CACNA1H: variants seen among roughly 807,000 people sequenced by gnomAD.
CACNA1H encodes calcium voltage-gated channel subunit alpha1 H.
In CACNA1H, 149 loss-of-function variants were observed where a neutral mutation model predicts 192.5. That is an observed-to-expected ratio of 0.77 (90% confidence interval 0.68 to 0.89). The LOEUF (loss-of-function observed/expected upper bound fraction) is 0.89. Ranked by LOEUF, CACNA1H falls within the 40% of genes least tolerant of loss-of-function variation. The pLI is 0.00. For missense variants in CACNA1H, 4,257 were observed against 3,423.5 expected, an observed-to-expected ratio of 1.24 and a Z score of -6.08; for synonymous variants, 2,202 against 1,475.2, an observed-to-expected ratio of 1.49 and a Z score of -11.29.
Position 1,221,701 on chromosome 16 carries a change from C to T in CACNA1H, c.*707C>T. 1.6e-6 allele frequency: 2 copies of T among 1,285,792 alleles called. No homozygotes were observed. The highest frequency in any genetic ancestry group is 2.8e-5 in the Admixed American group (1 of 35,968). 79.6% of individuals were successfully genotyped at this position (1,285,792 alleles called of 1,614,324 possible). A position where few individuals can be genotyped will look rare whatever the true frequency, so the allele number is the denominator to read the frequency against. On this transcript the variant is annotated 3_prime_UTR_variant, in exon 35 of 35. Transcript: ENST00000348261. ...GGTTAAATGTTGCAATAATCTGATG[C>T]AGAAGACTCAGCTTCTCAAGGGAGA...
rs774687054 is a variant in CACNA1H, at chr16:1,198,704, G to A, written c.733G>A (p.Gly245Ser). 10 of 1,613,372 alleles carry A rather than the reference G, an allele frequency of 6.2e-6. No homozygotes were observed. Among genetic ancestry groups the A allele is most frequent in the East Asian group, 2.2e-5 (1 of 44,890 alleles). ...LLCFFVFFIFGIVGVQLWAGL... is the reference protein window; with the variant it reads ...LLCFFVFFIFSIVGVQLWAGL... The stretch of plus-strand genomic sequence containing the variant: ...GTGCTTCTTCGTCTTCTTCATTTTC[G>A]GCATCGTTGGCGTCCAGCTCTGGGC... The change falls in exon 6 of 35, where the codon GGC (glycine) becomes AGC (serine). Residue 245 changes from glycine (G) to serine (S), a missense_variant. Transcript: ENST00000348261.
In CACNA1H at chr16:1,207,255, GGCCCCCT is replaced by G. The variant is rs1405736396; in HGVS notation, c.2908-17_2908-11del. The G allele has an allele frequency of 4.4e-6, 7 of 1,593,532 alleles. No homozygotes were observed. The Admixed American group carries it at 1.0e-4, about 24-fold the overall frequency. On this transcript the variant is annotated splice_polypyrimidine_tract_variant and intron_variant, in intron 13 of 34. Transcript: ENST00000348261. ...TTTCGGGGCTGGGGTGACCACCCCA[GGCCCCCT>G]GCTATCCCCCAGATCCTGACCCAGG...
intron 33 of CACNA1H, 141 bp downstream of exon 33, chr16:1,218,792 G>C: frequency 1.8e-6 from 2 of 1,142,760 alleles, no homozygotes; most frequent in Non-Finnish European, 2.5e-6. Flanking sequence ...GGGCAGGCAG[G>C]AGGGAGGATG....
rs1030195232 is a variant in CACNA1H at position 1,180,005 on chromosome 16, G to T, written c.300-14967G>T. 6.6e-6 allele frequency among the ~76,000 whole-genome samples: 1 copy of T among 152,238 alleles called. No homozygotes were observed. The highest frequency in any genetic ancestry group is 2.4e-5 in the African/African-American group (1 of 41,454). The stretch of plus-strand genomic sequence containing the variant: ...CTGCCTCGGCCTCCAAAAGTGCTGG[G>T]ATAACAGGCGTGAGCCACCATGCCC... On this transcript the variant is annotated intron_variant, in intron 2 of 34. Coordinates refer to ENST00000348261, the MANE Select transcript of CACNA1H (RefSeq NM_021098.3). This position sits in a 1 kb window ranked among gnomAD's most constrained non-coding sequence, Gnocchi z 4.4.
intron 2 of CACNA1H, among the ~76,000 whole-genome samples, chr16:1,165,599 C>T (rs1336504391): frequency 6.6e-6 from 1 of 152,160 alleles, no homozygotes; most frequent in Non-Finnish European, 1.5e-5. Context: ...CAAGCCGGCC[C>T]GGAGCTGAGG....
At chr16:1,205,437 T>G (rs895271609) in intron 11 of CACNA1H, among the ~76,000 whole-genome samples, 172 bp downstream of exon 11, 2 of 152,164 alleles carry the variant, frequency 1.3e-5, no homozygotes, top group Non-Finnish European at 2.9e-5. Context: ...GGGACCGTCC[T>G]GGGCAGAGTC....
At chr16:1,165,892 C>T (rs1012787067) in intron 2 of CACNA1H, among the ~76,000 whole-genome samples, 119 of 152,148 alleles carry the variant, frequency 7.8e-4, no homozygotes, top group Non-Finnish European at 4.4e-5. Flanking sequence ...CCTCTGGCCC[C>T]TGCTTGGGTG....
chr16:1,169,408 C>G (rs1268158928), intron 2 of CACNA1H, among the ~76,000 whole-genome samples: 1 of 152,202 alleles, frequency 6.6e-6, no homozygotes, highest in Non-Finnish European at 1.5e-5. Context: ...GGGTTGGGCC[C>G]CGAGAGGGTG....
At chr16:1,179,736 T>C (rs1011505283) in intron 2 of CACNA1H, among the ~76,000 whole-genome samples, 9 of 131,188 alleles carry the variant, frequency 6.9e-5, no homozygotes, top group Non-Finnish European at 1.4e-4. Flanking sequence ...GCCTCTTTTT[T>C]TTTTTTTTTT....
chr16:1,155,727 C>T (rs1297171340), intron 2 of CACNA1H, among the ~76,000 whole-genome samples: 1 of 152,138 alleles, frequency 6.6e-6, no homozygotes, highest in East Asian at 1.9e-4. Context: ...GGAGCCTGGC[C>T]CCGGTGTTCT....
At position 1,168,426 on chromosome 16, in the gene CACNA1H, G is replaced by A. The variant is rs1051915796; in HGVS notation, c.299+14390G>A. ...GATGTGGGGAGGCTCCTGGGCAGGC[G>A]GGGAGGCTGCTGGACTTGTGATTGT... On this transcript the variant is annotated intron_variant, in intron 2 of 34. Coordinates refer to ENST00000348261, the MANE Select transcript of CACNA1H (RefSeq NM_021098.3). 8.5e-5 allele frequency among the ~76,000 whole-genome samples: 13 copies of A among 152,222 alleles called. 1 individual carries two copies. The highest frequency in any genetic ancestry group is 2.4e-4 in the African/African-American group (10 of 41,554).
In CACNA1H at chr16:1,202,034, C is replaced by T; in HGVS notation, c.1584C>T (p.His528=). 1.3e-6 allele frequency: 2 copies of T among 1,538,172 alleles called. No individual in the cohort carries two copies. The highest frequency in any genetic ancestry group is 2.5e-5 in the East Asian group (1 of 40,774). The change falls in exon 9 of 35, where the codon CAC becomes CAT. Residue 528 remains histidine, a synonymous_variant. Coordinates refer to ENST00000348261, the MANE Select transcript of CACNA1H (RefSeq NM_021098.3). ...ACCACCATCACCACCACCACCACCA[C>T]TACCATTTCAGCCATGGCAGCCCCC... is the stretch of plus-strand genomic sequence containing the variant. The part of the protein sequence containing the change: ...VYHHHHHHHH[H]YHFSHGSPRR...
intron 2 of CACNA1H, among the ~76,000 whole-genome samples, chr16:1,160,498 T>C (rs923620748): frequency 6.6e-6 from 1 of 152,144 alleles, no homozygotes; most frequent in Non-Finnish European, 1.5e-5. Flanking sequence ...TCAGGAGAGC[T>C]GGCAGCAGGT....
chr16:1,167,172 G>A lies in CACNA1H; in HGVS notation c.299+13136G>A, dbSNP rs969214907. Among the ~76,000 whole-genome samples, 4 of 152,140 alleles carry A rather than the reference G, an allele frequency of 2.6e-5. No individual in the cohort carries two copies. Among genetic ancestry groups the A allele is most frequent in the East Asian group, 1.9e-4 (1 of 5,164 alleles). The stretch of plus-strand genomic sequence containing the variant: ...CCGACCCTTTGGGGCGTCTCCCATC[G>A]GGAAATGGCAGCCCCTGACCTGCCC... On this transcript the variant is annotated intron_variant, in intron 2 of 34. Transcript: ENST00000348261. This position sits in a 1 kb window ranked among gnomAD's most constrained non-coding sequence, Gnocchi z 4.2.
In CACNA1H at chr16:1,220,530, G is replaced by A. The variant is rs987367058; in HGVS notation, c.6598G>A (p.Asp2200Asn). ...CATCTCGGTGGAACCCCCTGCGGAGGACGAGGGCTCTGCGCGGCCCTCCGC... is the reference window on the plus strand; with the variant it reads ...CATCTCGGTGGAACCCCCTGCGGAGAACGAGGGCTCTGCGCGGCCCTCCGC... ...PCISVEPPAEDEGSARPSAAE... is the reference protein window; with the variant it reads ...PCISVEPPAENEGSARPSAAE... The change falls in exon 35 of 35, where the codon GAC (aspartate) becomes AAC (asparagine). Residue 2200 changes from aspartate (D) to asparagine (N), a missense_variant. Physicochemically the swap from Asp to Asn is conservative, Grantham distance 23. Transcript: ENST00000348261. 6.5e-7 allele frequency: 1 copy of A among 1,534,378 alleles called. No individual in the cohort carries two copies. Among genetic ancestry groups the A allele is most frequent in the African/African-American group, 1.4e-5 (1 of 71,732 alleles).
chr16:1,209,097 C>T lies in CACNA1H; in HGVS notation c.3429C>T (p.Ser1143=), dbSNP rs1435663030. ...GPSGAWSSRR[S]SWSSLGRAPS... ...GTGGCGCCTGGAGCAGCCGGCGCTC[C>T]AGCTGGAGCAGCCTGGGCCGTGCCC... Residue 1143 remains serine, a synonymous_variant, in exon 17 of 35, where the codon TCC becomes TCT. Coordinates refer to ENST00000348261, the MANE Select transcript of CACNA1H (RefSeq NM_021098.3). The T allele has an allele frequency of 1.9e-6, 3 of 1,546,658 alleles. No homozygotes were observed. The highest frequency in any genetic ancestry group is 1.2e-5 in the South Asian group (1 of 83,068).
At position 1,200,697 on chromosome 16, in the gene CACNA1H, C is replaced by G. The variant is rs1187288174; in HGVS notation, c.1120-19C>G. ...GAGGAGGGGTCGTGCGGGCCCAAGT[C>G]AAGCCACTGCCCCCCCAGGTGATCA... is the stretch of plus-strand genomic sequence containing the variant. On this transcript the variant is annotated intron_variant, in intron 7 of 34. Transcript: ENST00000348261. The G allele has an allele frequency of 1.9e-6, 3 of 1,565,206 alleles. No individual in the cohort carries two copies. Among genetic ancestry groups the G allele is most frequent in the Non-Finnish European group, 1.7e-6 (2 of 1,154,896 alleles).
intron 2 of CACNA1H, among the ~76,000 whole-genome samples, chr16:1,185,501 T>TC (rs1198600559): frequency 0.019 from 2,200 of 117,102 alleles, 38 homozygotes; most frequent in African/African-American, 0.043. Context: ...ATCTGCAGAG[T>TC]CCCCCCCCCC....
Position 1,169,573 on chromosome 16 carries a change from C to G in CACNA1H, c.299+15537C>G, listed in dbSNP as rs528443074. Among the ~76,000 whole-genome samples, 169 of 152,366 alleles carry G rather than the reference C, an allele frequency of 1.1e-3. 1 individual carries two copies. Among genetic ancestry groups the G allele is most frequent in the African/African-American group, 3.9e-3 (163 of 41,600 alleles). On this transcript the variant is annotated intron_variant, in intron 2 of 34. Coordinates refer to ENST00000348261, the MANE Select transcript of CACNA1H (RefSeq NM_021098.3). ...CAGCCTCTCCCACCGAGAGACACTT[C>G]AGAGCTGTGCGGGCCGTGCTTTCGC...
Sources: allele counts gnomAD v4.1 joint callset (sites outside exome capture counted in the v4.1 genomes callset), GRCh38; gene constraint gnomAD v4.1.1; non-coding constraint Gnocchi (gnomAD v3.1); transcripts MANE v1.5; gene names NCBI Gene and HGNC (gene_info 2026-07-23, HGNC 2026-07-21).